The following TRPM1 variants were observed in gnomAD, a reference collection of about 807,000 sequenced individuals.
TRPM1 encodes the protein transient receptor potential cation channel subfamily M member 1, also known as TRPM1-203 APA Isoform, Intron 10.
TRPM1 carries 113 observed loss-of-function variants against 149.4 expected under a neutral mutation model. That is an observed-to-expected ratio of 0.76 (90% confidence interval 0.65 to 0.88). TRPM1 has a LOEUF of 0.88. TRPM1 is among the 40% of genes least tolerant of loss of function. The pLI, the probability that TRPM1 is intolerant of heterozygous loss-of-function variation, is 0.00. For synonymous variants in TRPM1, 741 were observed against 759.5 expected (o/e 0.98, Z 0.40); for missense variants, 1,976 against 2,038.7 (o/e 0.97, Z 0.59).
At chr15:31,038,799 A>G (rs907718920) in intron 18 of TRPM1, among the ~76,000 whole-genome samples, 3 of 152,060 alleles carry the variant, frequency 2.0e-5, no homozygotes, top group Non-Finnish European at 4.4e-5. Context: ...AATAATATAA[A>G]TAAAATATAA....
chr15:31,038,198 G>A lies in TRPM1; in HGVS notation c.2317-32C>T, dbSNP rs746678053. On this transcript the variant is annotated intron_variant, in intron 18 of 27. Transcript: ENST00000256552. ...AACATAAATTGATTTTTTAAGCTGT[G>A]GCAATTCTAGAAAAATGTCCCAGCA... The A allele has an allele frequency of 1.9e-6, 3 of 1,611,914 alleles. No individual in the cohort carries two copies. The Admixed American group carries it at 5.0e-5, about 27-fold the overall frequency.
At chr15:31,058,751 C>G (rs1399880446) in intron 11 of TRPM1, among the ~76,000 whole-genome samples, 2 of 152,118 alleles carry the variant, frequency 1.3e-5, no homozygotes, top group Non-Finnish European at 2.9e-5. Flanking sequence ...GTAGGTGGTT[C>G]CACGTACTCT....
chr15:31,104,565 A>G (rs2035572289), upstream of TRPM1, among the ~76,000 whole-genome samples: 2 of 146,246 alleles, frequency 1.4e-5, 1 homozygote, highest in South Asian at 4.4e-4. Flanking sequence ...TATCCCTAGG[A>G]CTTGCAAAAT....
chr15:31,069,911 A>G (rs772119405), intron 4 of TRPM1, 120 bp downstream of exon 4: 5 of 1,607,094 alleles, frequency 3.1e-6, no homozygotes, highest in Non-Finnish European at 4.2e-6. Context: ...TCAATGAAAT[A>G]TCTAGGAAGA....
At chr15:31,049,995 C>T in intron 12 of TRPM1, among the ~76,000 whole-genome samples, 1 of 152,228 alleles carries the variant, frequency 6.6e-6, no homozygotes, top group South Asian at 2.1e-4. Flanking sequence ...TCCAGCCTCC[C>T]CACCTAAACT....
intron 1 of TRPM1, among the ~76,000 whole-genome samples, chr15:31,098,745 C>T (rs1468557895): frequency 2.0e-5 from 3 of 152,040 alleles, no homozygotes; most frequent in African/African-American, 7.2e-5. Context: ...CAGGCATTAC[C>T]CACCCTGGGG....
At chr15:31,032,649 C>T in intron 22 of TRPM1, 40 bp downstream of exon 22, 1 of 1,614,016 alleles carries the variant, frequency 6.2e-7, no homozygotes, top group Non-Finnish European at 8.5e-7. Flanking sequence ...CTAACTACAG[C>T]CAAAGTCTCT....
chr15:31,087,102 C>T (rs532855588), intron 1 of TRPM1, among the ~76,000 whole-genome samples: 134 of 152,014 alleles, frequency 8.8e-4, no homozygotes, highest in African/African-American at 2.6e-3. Context: ...GTGGAGAAAT[C>T]GGAAAACTTG....
chr15:31,062,495 T>C, intron 9 of TRPM1, 84 bp downstream of exon 9: 1 of 1,550,216 alleles, frequency 6.5e-7, no homozygotes, highest in Non-Finnish European at 8.9e-7. Flanking sequence ...TGAATAACCC[T>C]GTCATGCACA....
chr15:31,080,186 G>A (rs1180319031), intron 2 of TRPM1, among the ~76,000 whole-genome samples: 1 of 152,100 alleles, frequency 6.6e-6, no homozygotes, highest in East Asian at 1.9e-4. Context: ...ATCACCATTT[G>A]GCAACCATCA....
At chr15:31,011,142 T>C (rs2032170136) in intron 27 of TRPM1, among the ~76,000 whole-genome samples, 1 of 152,186 alleles carries the variant, frequency 6.6e-6, no homozygotes, top group Non-Finnish European at 1.5e-5. Context: ...TTATCCATCC[T>C]TTTACTTTAA....
intron 1 of TRPM1, among the ~76,000 whole-genome samples, chr15:31,143,101 T>C (rs1336208760): frequency 2.6e-5 from 4 of 152,230 alleles, no homozygotes; most frequent in African/African-American, 9.6e-5. Flanking sequence ...TGAAAGCTTT[T>C]TGCAGGCAAC....
At chr15:31,090,042 G>A (rs945860048) in intron 1 of TRPM1, among the ~76,000 whole-genome samples, 1 of 152,154 alleles carries the variant, frequency 6.6e-6, no homozygotes, top group African/African-American at 2.4e-5. Context: ...CAAATTAAAA[G>A]TATACGGAAA....
chr15:31,016,383 G>C (rs1009135746), intron 27 of TRPM1, among the ~76,000 whole-genome samples: 1 of 152,144 alleles, frequency 6.6e-6, no homozygotes, highest in African/African-American at 2.4e-5. Flanking sequence ...ACTGATTTCT[G>C]ATCAGGTTGA....
chr15:31,076,767 A>T (rs2034704393), intron 3 of TRPM1, 138 bp downstream of exon 3: 1 of 732,532 alleles, frequency 1.4e-6, no homozygotes. Context: ...AGCCCCAGTG[A>T]CTCCCTTGTT....
chr15:31,021,603 G>C (rs909303899), intron 27 of TRPM1, among the ~76,000 whole-genome samples: 6 of 151,590 alleles, frequency 4.0e-5, no homozygotes, highest in African/African-American at 1.5e-4. Context: ...AGCTGAGGCA[G>C]TAGACTCACT....
chr15:31,136,742 C>CA (rs2036093673), intron 1 of TRPM1, among the ~76,000 whole-genome samples: 1 of 144,658 alleles, frequency 6.9e-6, no homozygotes, highest in Non-Finnish European at 1.5e-5. Flanking sequence ...CCTCAGCCGC[C>CA]CCCACCCTTT....
At chr15:31,035,235 A>G (rs1393681870) in intron 21 of TRPM1, among the ~76,000 whole-genome samples, 2 of 152,000 alleles carry the variant, frequency 1.3e-5, no homozygotes, top group East Asian at 3.9e-4. Flanking sequence ...AATTACTGCT[A>G]TCTCAAGTGA....
intron 1 of TRPM1, among the ~76,000 whole-genome samples, chr15:31,098,855 G>A (rs559828801): frequency 1.1e-4 from 16 of 152,150 alleles, no homozygotes; most frequent in Non-Finnish European, 2.1e-4. Context: ...TTGGGGGAGC[G>A]GGAGCCAGAA....
Sources: gnomAD v4.1 joint callset for allele counts (sites outside exome capture counted in the v4.1 genomes callset) on GRCh38, gnomAD v4.1.1 for gene constraint, MANE v1.5 for transcripts, NCBI Gene and HGNC (gene_info 2026-07-23, HGNC 2026-07-21) for gene names.